The following GLG1 variants were observed in gnomAD, a reference collection of about 807,000 sequenced individuals.
The protein encoded by GLG1 is Golgi apparatus protein 1.
A neutral mutation model predicts 160.5 loss-of-function variants in GLG1; 38 were observed. That is an observed-to-expected ratio of 0.24 (90% CI 0.18 to 0.31). GLG1 has a LOEUF of 0.31. Among genes scored for constraint, GLG1 ranks in the 10% least tolerant of loss-of-function variants. The pLI, the probability that GLG1 is intolerant of heterozygous loss-of-function variation, is 1.00. For synonymous variants in GLG1, 644 were observed against 543.4 expected, an observed-to-expected ratio of 1.19 and a Z score of -2.57; for missense variants, 1,373 against 1,505.2, an observed-to-expected ratio of 0.91 and a Z score of 1.45.
chr16:74,471,091 G>C, intron 15 of GLG1, 82 bp downstream of exon 15: 5 of 816,524 alleles, frequency 6.1e-6, no homozygotes, highest in South Asian at 1.4e-5. Flanking sequence ...CATCAGAGGT[G>C]CTCTGATGTT....
chr16:74,532,011 T>C, intron 2 of GLG1, 110 bp downstream of exon 2: 1 of 484,176 alleles, frequency 2.1e-6, no homozygotes, highest in Non-Finnish European at 3.7e-6. Flanking sequence ...CTTTTAAGAT[T>C]AAGACTGTAA....
At chr16:74,496,701 A>G in intron 4 of GLG1, 57 bp from the exon 5 acceptor site, 1 of 1,027,688 alleles carries the variant, frequency 9.7e-7, no homozygotes, top group Non-Finnish European at 1.5e-6. Flanking sequence ...TTTCAAATAA[A>G]CAACATTTGG....
chr16:74,565,587 G>A (rs1376869488), intron 1 of GLG1, among the ~76,000 whole-genome samples: 1 of 152,084 alleles, frequency 6.6e-6, no homozygotes, highest in Non-Finnish European at 1.5e-5. Context: ...TAAGCCAAAG[G>A]CCCAGCTGTA....
intron 1 of GLG1, among the ~76,000 whole-genome samples, chr16:74,564,343 A>G (rs2143752095): frequency 6.6e-6 from 1 of 152,224 alleles, no homozygotes; most frequent in South Asian, 2.1e-4. Context: ...TCATTCTTTG[A>G]TCTATTTGAT....
At chr16:74,477,275 T>C in intron 12 of GLG1, 121 bp downstream of exon 12, 1 of 825,980 alleles carries the variant, frequency 1.2e-6, no homozygotes, top group South Asian at 1.5e-5. Context: ...TATTGAACAA[T>C]ACAACAAATC....
chr16:74,561,105 C>A (rs2018501438), intron 1 of GLG1, among the ~76,000 whole-genome samples: 1 of 152,044 alleles, frequency 6.6e-6, no homozygotes, highest in Non-Finnish European at 1.5e-5. Flanking sequence ...GGGGCAGGAT[C>A]GGGGCCAACA....
At chr16:74,470,492 A>AG (rs1367810035) in intron 15 of GLG1, among the ~76,000 whole-genome samples, 15 of 136,548 alleles carry the variant, frequency 1.1e-4, no homozygotes, top group African/African-American at 3.9e-4. Flanking sequence ...CTTGTCATCC[A>AG]GGCTGGAGTG....
At chr16:74,461,316 C>T (rs1009026103) in intron 22 of GLG1, among the ~76,000 whole-genome samples, 2 of 151,086 alleles carry the variant, frequency 1.3e-5, no homozygotes, top group African/African-American at 4.9e-5. Flanking sequence ...TACAGGTATA[C>T]GCCACCGGGC....
intron 20 of GLG1, chr16:74,462,908 G>A (rs2014857688): frequency 2.1e-6 from 1 of 473,792 alleles, no homozygotes; most frequent in African/African-American, 2.0e-5. Flanking sequence ...AAATCAAGGG[G>A]ACATCAGCAA....
chr16:74,521,821 G>A (rs2017174048), intron 2 of GLG1, among the ~76,000 whole-genome samples: 1 of 152,154 alleles, frequency 6.6e-6, no homozygotes, highest in Non-Finnish European at 1.5e-5. Context: ...TTCTCCCCAT[G>A]GCCGTTGTGA....
At chr16:74,490,294 A>G (rs2015936736) in intron 8 of GLG1, among the ~76,000 whole-genome samples, 1 of 152,024 alleles carries the variant, frequency 6.6e-6, no homozygotes, top group South Asian at 2.1e-4. Flanking sequence ...ATCAAGAAGA[A>G]CTTTATCTCC....
chr16:74,594,439 A>C (rs1443361459), intron 1 of GLG1, among the ~76,000 whole-genome samples: 1 of 152,198 alleles, frequency 6.6e-6, no homozygotes, highest in Non-Finnish European at 1.5e-5. Context: ...CTGAATGACT[A>C]CAGATGCCTG....
At chr16:74,500,321 A>C (rs1166023954) in intron 4 of GLG1, among the ~76,000 whole-genome samples, 1 of 152,220 alleles carries the variant, frequency 6.6e-6, no homozygotes, top group African/African-American at 2.4e-5. Flanking sequence ...CTATAAATGA[A>C]CTTACAATAA....
rs1278401116 is a variant in GLG1 at position 74,450,402 on chromosome 16, T to G, written c.*2765A>C. 6.6e-6 allele frequency: 1 copy of G among 152,240 alleles called. No homozygotes were observed. Among genetic ancestry groups the G allele is most frequent in the African/African-American group, 2.4e-5 (1 of 41,458 alleles). 9.4% of individuals were successfully genotyped at this position (152,240 alleles called of 1,614,324 possible). On this transcript the variant is annotated 3_prime_UTR_variant, in exon 26 of 26. Coordinates refer to ENST00000422840, the MANE Select transcript of GLG1 (RefSeq NM_001145667.2). ...CGGCCAGTTCAGACTTTGCTGGCCT[T>G]GGCACTTAGAAAAACTTGCTCGGGG...
chr16:74,501,743 T>C (rs374563263), intron 4 of GLG1, among the ~76,000 whole-genome samples: 6 of 152,248 alleles, frequency 3.9e-5, no homozygotes, highest in East Asian at 1.9e-4. Flanking sequence ...AGGTTTGGAA[T>C]TGGATATAAT....
At chr16:74,477,977 A>AAAATAAATAAATACAT (rs2015450584) in intron 11 of GLG1, among the ~76,000 whole-genome samples, 3 of 140,148 alleles carry the variant, frequency 2.1e-5, no homozygotes, top group Non-Finnish European at 4.6e-5. Context: ...CCGTCTCAAA[A>AAAATAAATAAATACAT]AAATAAATAA....
chr16:74,461,857 G>GA (rs1162487815), intron 22 of GLG1: 1 of 412,158 alleles, frequency 2.4e-6, no homozygotes, highest in South Asian at 4.7e-5. Context: ...GAGCTATAAT[G>GA]AAAGAACACC....
At chr16:74,592,566 A>G (rs1202024333) in intron 1 of GLG1, among the ~76,000 whole-genome samples, 4 of 152,184 alleles carry the variant, frequency 2.6e-5, no homozygotes, top group African/African-American at 9.7e-5. Flanking sequence ...ATTATCTCGA[A>G]TGATCTCACC....
In GLG1 at chr16:74,578,535, A is replaced by G. The variant is rs141124379; in HGVS notation, c.438+28122T>C. 1.4e-3 allele frequency among the ~76,000 whole-genome samples: 206 copies of G among 152,352 alleles called. 1 individual carries two copies. The highest frequency in any genetic ancestry group is 4.8e-3 in the African/African-American group (199 of 41,582). The stretch of plus-strand genomic sequence containing the variant: ...TTAAAAATTAGGTAAATAAGAGTAA[A>G]GAGCTAAAACAGTTGAAATTGCAGA... On this transcript the variant is annotated intron_variant, in intron 1 of 25. Transcript: ENST00000422840.
Sources: gnomAD v4.1 joint callset for allele counts (sites outside exome capture counted in the v4.1 genomes callset) on GRCh38, gnomAD v4.1.1 for gene constraint, MANE v1.5 for transcripts, NCBI Gene and HGNC (gene_info 2026-07-23, HGNC 2026-07-21) for gene names.